NCKAP1: variants seen among roughly 807,000 people sequenced by gnomAD.
NCKAP1 encodes the protein NCK associated protein 1, also known as nck-associated protein 1.
Under a neutral mutation model 151.2 loss-of-function variants are expected in NCKAP1, and 21 were observed. That is an observed-to-expected ratio of 0.14 (90% CI 0.10 to 0.20). NCKAP1 has a LOEUF of 0.20. NCKAP1 is among the 10% of genes least tolerant of loss of function. The probability of loss-of-function intolerance (pLI) is 1.00; values close to 1 mark genes in which losing one functional copy is unlikely to be tolerated. For synonymous variants in NCKAP1, 484 were observed against 451.8 expected (o/e 1.07, Z -0.90); for missense variants, 933 against 1,352.1 (o/e 0.69, Z 4.86).
In NCKAP1 at chr2:182,917,065, A is replaced by T. The variant is rs1157761749; in HGVS notation, c.*8637T>A. 1 of 152,206 alleles carries T rather than the reference A, an allele frequency of 6.6e-6. No homozygotes were observed. Among genetic ancestry groups the T allele is most frequent in the Non-Finnish European group, 1.5e-5 (1 of 68,030 alleles). 9.4% of individuals were successfully genotyped at this position (152,206 alleles called of 1,614,324 possible). On this transcript the variant is annotated 3_prime_UTR_variant, in exon 31 of 31. Transcript: ENST00000361354. ...GGAGAAACTACCACCATTTACACTG[A>T]ATGCCTACTTTGTGGTAGCCTCTTC...
At chr2:182,958,491 A>G (rs1697371135) in intron 18 of NCKAP1, among the ~76,000 whole-genome samples, 1 of 152,190 alleles carries the variant, frequency 6.6e-6, no homozygotes, top group Non-Finnish European at 1.5e-5. Flanking sequence ...GCAGAAGAAA[A>G]CACTGAAAAA....
At chr2:183,037,896 C>T (rs1319568144) in intron 1 of NCKAP1, 96 bp downstream of exon 1, 5 of 929,764 alleles carry the variant, frequency 5.4e-6, no homozygotes, top group Middle Eastern at 6.4e-4. Flanking sequence ...TTTCTACACC[C>T]GGCGCCTCCT....
chr2:182,967,156 A>T, intron 16 of NCKAP1, 60 bp downstream of exon 16: 1 of 1,471,678 alleles, frequency 6.8e-7, no homozygotes, highest in Admixed American at 2.1e-5. Context: ...AAAATAATCA[A>T]GAAACATATA....
chr2:182,964,728 G>A lies in NCKAP1; in HGVS notation c.1709C>T (p.Pro570Leu). 6.2e-7 allele frequency: 1 copy of A among 1,610,270 alleles called. No individual in the cohort carries two copies. The highest frequency in any genetic ancestry group is 8.5e-7 in the Non-Finnish European group (1 of 1,177,948). ...ACTCATAAAATGAGTGCAAAGTAGT[G>A]GAAATGCAATTGAGTATCTTGATTG... ...PSQSRYSIAF[P>L]LLCTHFMSCT... The change falls in exon 17 of 31, where the codon CCA becomes CTA. Residue 570 changes from proline to leucine, a missense_variant. Pro to Leu is a moderately conservative substitution (Grantham distance 98). Coordinates refer to ENST00000361354, the MANE Select transcript of NCKAP1 (RefSeq NM_013436.5).
intron 23 of NCKAP1, among the ~76,000 whole-genome samples, chr2:182,950,991 C>T (rs1697202887): frequency 6.6e-6 from 1 of 152,008 alleles, no homozygotes; most frequent in South Asian, 2.1e-4. Flanking sequence ...CACCACCACA[C>T]CCAGCTAATT....
intron 2 of NCKAP1, among the ~76,000 whole-genome samples, chr2:183,008,850 G>A (rs1698532177): frequency 6.6e-6 from 1 of 152,154 alleles, no homozygotes; most frequent in Non-Finnish European, 1.5e-5. Context: ...TAAAAGAAAT[G>A]AGTGGCAACC....
rs536056712 is a variant in NCKAP1, at chr2:182,937,326, T to C, written c.2696-1951A>G. 8.6e-4 allele frequency among the ~76,000 whole-genome samples: 131 copies of C among 152,202 alleles called. No individual in the cohort carries two copies. In the South Asian group the frequency reaches 0.026, roughly 30 times the overall value. On this transcript the variant is annotated intron_variant, in intron 24 of 30. Coordinates refer to ENST00000361354, the MANE Select transcript of NCKAP1 (RefSeq NM_013436.5). ...CTTCACAGTAAGAAACACTGCTTAA[T>C]GTATTGTGTAATGGATTATTTGCCA...
intron 1 of NCKAP1, among the ~76,000 whole-genome samples, chr2:183,031,217 T>C (rs1349679411): frequency 6.6e-6 from 1 of 151,750 alleles, no homozygotes; most frequent in African/African-American, 2.4e-5. Context: ...TCAAAATTAG[T>C]GATTCAAAAA....
intron 6 of NCKAP1, among the ~76,000 whole-genome samples, chr2:183,000,056 C>T (rs1205878761): frequency 1.3e-5 from 2 of 152,134 alleles, no homozygotes; most frequent in East Asian, 1.9e-4. Context: ...ATGTTCACTA[C>T]TTTGGCAACA....
chr2:182,993,239 G>A (rs147686674), intron 8 of NCKAP1, among the ~76,000 whole-genome samples: 6 of 152,168 alleles, frequency 3.9e-5, no homozygotes, highest in Admixed American at 6.5e-5. Context: ...CTTCATTTGC[G>A]TGGACTCAAT....
intron 15 of NCKAP1, among the ~76,000 whole-genome samples, chr2:182,974,103 A>G (rs1343142809): frequency 6.6e-6 from 1 of 151,720 alleles, no homozygotes; most frequent in African/African-American, 2.4e-5. Context: ...TGGAACTTTC[A>G]CCTTTGAGCT....
intron 2 of NCKAP1, among the ~76,000 whole-genome samples, chr2:183,012,348 TACATACTG>T (rs1429738646): frequency 6.6e-6 from 1 of 152,186 alleles, no homozygotes; most frequent in East Asian, 1.9e-4. Flanking sequence ...GGTACATGAA[TACATACTG>T]ACAGAGGGCA....
At chr2:183,036,477 G>C (rs906890239) in intron 1 of NCKAP1, among the ~76,000 whole-genome samples, 12 of 152,122 alleles carry the variant, frequency 7.9e-5, no homozygotes, top group Non-Finnish European at 1.0e-4. Flanking sequence ...GAACAGTTCA[G>C]GTCAATGCAA....
intron 8 of NCKAP1, among the ~76,000 whole-genome samples, chr2:182,993,578 C>T (rs74869113): frequency 0.054 from 8,228 of 152,110 alleles, 295 homozygotes; most frequent in Non-Finnish European, 0.08. Flanking sequence ...TTTGCAGTAA[C>T]ACGGATGGAG....
intron 2 of NCKAP1, among the ~76,000 whole-genome samples, chr2:183,016,377 T>G (rs963498748): frequency 4.6e-5 from 7 of 152,262 alleles, no homozygotes; most frequent in African/African-American, 1.7e-4. Context: ...TTTTATTTAT[T>G]GTTTGTTCAA....
chr2:182,982,433 T>C (rs1697959598), intron 12 of NCKAP1, among the ~76,000 whole-genome samples: 1 of 150,778 alleles, frequency 6.6e-6, no homozygotes, highest in Admixed American at 6.6e-5. Flanking sequence ...CTTTCTAATT[T>C]ACAATGGTGC....
chr2:182,957,670 G>A, intron 18 of NCKAP1, 74 bp from the exon 19 acceptor site: 1 of 1,450,230 alleles, frequency 6.9e-7, no homozygotes, highest in Non-Finnish European at 9.4e-7. Flanking sequence ...CAAGCAAACA[G>A]TAGCTGAATC....
chr2:182,954,801 ATAAAT>A (rs1002402285), intron 20 of NCKAP1, among the ~76,000 whole-genome samples: 10 of 152,020 alleles, frequency 6.6e-5, no homozygotes, highest in Admixed American at 3.3e-4. Context: ...AAATAAATAA[ATAAAT>A]TAAATAAAAT....
At position 182,918,439 on chromosome 2, in the gene NCKAP1, C is replaced by T. The variant is rs1696498413; in HGVS notation, c.*7263G>A. ...CAAAGATATGGAACCAACCTAAGTG[C>T]CCACTGACCAATGAGTGGACAAAGA... On this transcript the variant is annotated 3_prime_UTR_variant, in exon 31 of 31. Transcript: ENST00000361354. The T allele has an allele frequency of 6.6e-6, 1 of 152,132 alleles. No individual in the cohort carries two copies. The highest frequency in any genetic ancestry group is 1.5e-5 in the Non-Finnish European group (1 of 68,022). 9.4% of individuals were successfully genotyped at this position (152,132 alleles called of 1,614,324 possible).
Sources: gnomAD v4.1 joint callset for allele counts (sites outside exome capture counted in the v4.1 genomes callset) on GRCh38, gnomAD v4.1.1 for gene constraint, MANE v1.5 for transcripts, NCBI Gene and HGNC (gene_info 2026-07-23, HGNC 2026-07-21) for gene names.